The following OPCML variants were observed in gnomAD, a reference collection of about 807,000 sequenced individuals.
The protein encoded by OPCML is opioid-binding protein/cell adhesion molecule.
Under a neutral mutation model 37.8 loss-of-function variants are expected in OPCML, and 13 were observed. The ratio of observed to expected loss-of-function variants is 0.34; its 90% confidence interval spans 0.22 to 0.55. OPCML has a LOEUF of 0.55. OPCML is among the 20% of genes least tolerant of loss of function. The probability of loss-of-function intolerance (pLI) is 0.91; values close to 1 mark genes in which losing one functional copy is unlikely to be tolerated. For missense variants in OPCML, 341 were observed against 435.6 expected, an observed-to-expected ratio of 0.78 and a Z score of 1.93; for synonymous variants, 176 against 168.8, an observed-to-expected ratio of 1.04 and a Z score of -0.33.
intron 2 of OPCML, among the ~76,000 whole-genome samples, chr11:132,744,892 G>A (rs539700165): frequency 6.6e-6 from 1 of 151,258 alleles, no homozygotes; most frequent in Non-Finnish European, 1.5e-5. Context: ...GAGCAAGCTC[G>A]AGGAAGTGAA....
At chr11:133,403,482 G>A (rs1945454843) in intron 1 of OPCML, among the ~76,000 whole-genome samples, 1 of 152,016 alleles carries the variant, frequency 6.6e-6, no homozygotes, top group African/African-American at 2.4e-5. Flanking sequence ...TTTCTACTTT[G>A]AGTTATCAAA....
intron 2 of OPCML, among the ~76,000 whole-genome samples, chr11:132,831,929 T>C (rs1196033470): frequency 6.6e-6 from 1 of 152,024 alleles, no homozygotes; most frequent in Non-Finnish European, 1.5e-5. Flanking sequence ...CCCTCTTCAT[T>C]TTCCTTCTTT....
intron 4 of OPCML, among the ~76,000 whole-genome samples, chr11:132,526,365 C>T (rs976570482): frequency 6.6e-6 from 1 of 152,054 alleles, no homozygotes; most frequent in African/African-American, 2.4e-5. Flanking sequence ...GCAAAATTAT[C>T]ATGGAACCCA....
At chr11:133,353,735 TC>T (rs1944196889) in intron 1 of OPCML, among the ~76,000 whole-genome samples, 3 of 152,290 alleles carry the variant, frequency 2.0e-5, no homozygotes, top group Admixed American at 6.5e-5. Flanking sequence ...CATGCCAGAT[TC>T]TTCCTAGATT....
chr11:133,323,298 A>G lies in OPCML; in HGVS notation c.61+208966T>C, dbSNP rs117256207. ...GATTGGATTTCTGGAGAGTCTCCACAGCCCACTTGTGTTCTGTTCAATTCT... is the reference window on the plus strand; with the variant it reads ...GATTGGATTTCTGGAGAGTCTCCACGGCCCACTTGTGTTCTGTTCAATTCT... On this transcript the variant is annotated intron_variant, in intron 1 of 7. Coordinates refer to ENST00000524381, the MANE Select transcript of OPCML (RefSeq NM_001012393.5). Among the ~76,000 whole-genome samples, 910 of 152,362 alleles carry G rather than the reference A, an allele frequency of 6.0e-3. 2 individuals are homozygous for G. Among genetic ancestry groups the G allele is most frequent in the Middle Eastern group, 0.014 (4 of 294 alleles).
At chr11:133,167,520 T>G (rs879750434) in intron 1 of OPCML, among the ~76,000 whole-genome samples, 1 of 135,610 alleles carries the variant, frequency 7.4e-6, no homozygotes, top group Non-Finnish European at 1.6e-5. Context: ...GTGCCAGCTT[T>G]CTTTCTCTTT....
At chr11:132,889,355 T>C (rs1943553420) in intron 2 of OPCML, among the ~76,000 whole-genome samples, 1 of 152,172 alleles carries the variant, frequency 6.6e-6, no homozygotes, top group Admixed American at 6.5e-5. Flanking sequence ...TTCTGGAGCT[T>C]AGCAAGCAGG....
intron 1 of OPCML, among the ~76,000 whole-genome samples, chr11:133,296,579 T>C (rs1327450222): frequency 6.6e-6 from 1 of 152,240 alleles, no homozygotes; most frequent in Non-Finnish European, 1.5e-5. Context: ...GCATCACCCA[T>C]TGTCCCTCTG....
chr11:132,897,720 G>A (rs551741562), intron 2 of OPCML, among the ~76,000 whole-genome samples: 1 of 152,318 alleles, frequency 6.6e-6, no homozygotes, highest in East Asian at 1.9e-4. Flanking sequence ...AGAATTTGGG[G>A]CAGTGCACCT....
At chr11:133,490,571 G>C (rs1335091268) in intron 1 of OPCML, among the ~76,000 whole-genome samples, 1 of 152,142 alleles carries the variant, frequency 6.6e-6, no homozygotes, top group Non-Finnish European at 1.5e-5. Context: ...TTCCAAATAA[G>C]CCACCTCCTC....
intron 3 of OPCML, among the ~76,000 whole-genome samples, chr11:132,634,859 G>A (rs1940386989): frequency 6.6e-6 from 1 of 151,892 alleles, no homozygotes; most frequent in Non-Finnish European, 1.5e-5. Context: ...CAACTTGTTA[G>A]GGAGGATTAA....
intron 3 of OPCML, 142 bp downstream of exon 3, chr11:132,656,945 T>C: frequency 7.0e-7 from 1 of 1,429,350 alleles, no homozygotes; most frequent in Non-Finnish European, 9.3e-7. Flanking sequence ...ATGGGAAACA[T>C]TCCAAGACAT....
chr11:132,474,457 C>A (rs1474338122), intron 4 of OPCML, among the ~76,000 whole-genome samples: 6 of 152,118 alleles, frequency 3.9e-5, no homozygotes, highest in Admixed American at 1.3e-4. Context: ...TGTGGCCTGT[C>A]CTCTTCAGTC....
chr11:132,500,313 G>A (rs1379431832), intron 4 of OPCML, among the ~76,000 whole-genome samples: 3 of 152,086 alleles, frequency 2.0e-5, no homozygotes, highest in Non-Finnish European at 4.4e-5. Flanking sequence ...GGTCTGGGGT[G>A]GGACATGAAA....
At chr11:133,402,213 G>A (rs1256749012) in intron 1 of OPCML, among the ~76,000 whole-genome samples, 5 of 151,882 alleles carry the variant, frequency 3.3e-5, no homozygotes, top group Non-Finnish European at 5.9e-5. Flanking sequence ...ACAGGGTGGG[G>A]GATAGTGAAA....
At chr11:133,057,122 C>T (rs1050906322) in intron 1 of OPCML, among the ~76,000 whole-genome samples, 3 of 152,202 alleles carry the variant, frequency 2.0e-5, no homozygotes, top group African/African-American at 4.8e-5. Context: ...GGATTACAGG[C>T]GTGAGCTGCT....
chr11:132,496,246 T>C (rs2096230895), intron 4 of OPCML, among the ~76,000 whole-genome samples: 1 of 152,172 alleles, frequency 6.6e-6, no homozygotes, highest in South Asian at 2.1e-4. Flanking sequence ...GATGTGAAAG[T>C]GGTCTCAAGA....
intron 3 of OPCML, among the ~76,000 whole-genome samples, chr11:132,639,516 C>T (rs1278624508): frequency 6.6e-6 from 1 of 152,236 alleles, no homozygotes; most frequent in South Asian, 2.1e-4. Context: ...ATTGCAGCCC[C>T]TCCCACCTCC....
intron 1 of OPCML, among the ~76,000 whole-genome samples, chr11:133,415,451 G>A (rs1945740379): frequency 6.6e-6 from 1 of 151,944 alleles, no homozygotes; most frequent in Non-Finnish European, 1.5e-5. Context: ...GATCTGGTGT[G>A]GAGTCCACAT....
Sources: allele counts gnomAD v4.1 joint callset (sites outside exome capture counted in the v4.1 genomes callset), GRCh38; gene constraint gnomAD v4.1.1; transcripts MANE v1.5; gene names NCBI Gene and HGNC (gene_info 2026-07-23, HGNC 2026-07-21).